The following SGCZ variants were observed in gnomAD, a reference collection of about 807,000 sequenced individuals.
SGCZ encodes the protein zeta-sarcoglycan.
Under a neutral mutation model 41.3 loss-of-function variants are expected in SGCZ, and 40 were observed. That is an observed-to-expected ratio of 0.97 (90% CI 0.75 to 1.26). The LOEUF (loss-of-function observed/expected upper bound fraction) is 1.26. Among genes scored for constraint, SGCZ ranks in the 50% most tolerant of loss-of-function variants. The pLI, the probability that SGCZ is intolerant of heterozygous loss-of-function variation, is 0.00. For missense variants in SGCZ, 552 were observed against 369.8 expected (o/e 1.49, Z -4.04); for synonymous variants, 206 against 137.5 (o/e 1.50, Z -3.49).
At chr8:14,177,958 C>CTTTTCTTTCTTTTTCTTTTTTTTTTTTTT (rs767919994) in intron 4 of SGCZ, among the ~76,000 whole-genome samples, 1 of 95,050 alleles carries the variant, frequency 1.1e-5, no homozygotes, top group African/African-American at 3.7e-5. Flanking sequence ...CTTTTTTTTT[C>CTTTTCTTTCTTTTTCTTTTTTTTTTTTTT]TTTTTTTTTT....
chr8:14,592,876 A>C (rs1805284626), intron 1 of SGCZ, among the ~76,000 whole-genome samples: 1 of 152,180 alleles, frequency 6.6e-6, no homozygotes, highest in Admixed American at 6.5e-5. Context: ...AGTACAGGGC[A>C]AAAAGCATCA....
At chr8:14,181,198 C>T (rs1338917464) in intron 4 of SGCZ, among the ~76,000 whole-genome samples, 1 of 152,088 alleles carries the variant, frequency 6.6e-6, no homozygotes, top group Non-Finnish European at 1.5e-5. Flanking sequence ...ACTAAATACC[C>T]GTGTTTTCAA....
intron 7 of SGCZ, among the ~76,000 whole-genome samples, chr8:14,091,127 G>T (rs1801677083): frequency 6.6e-6 from 1 of 151,610 alleles, no homozygotes; most frequent in Non-Finnish European, 1.5e-5. Context: ...GAGAATCATG[G>T]TTTCCAGCTT....
chr8:14,153,472 A>G (rs748708041), intron 5 of SGCZ, among the ~76,000 whole-genome samples: 2 of 152,200 alleles, frequency 1.3e-5, no homozygotes, highest in Non-Finnish European at 2.9e-5. Flanking sequence ...TATTGCAGCA[A>G]TGAAATGATA....
At position 14,198,742 on chromosome 8, in the gene SGCZ, A is replaced by G. The variant is rs2117064326; in HGVS notation, c.425-34040T>C. Among the ~76,000 whole-genome samples, 4 of 152,326 alleles carry G rather than the reference A, an allele frequency of 2.6e-5. 1 individual carries two copies. In the Middle Eastern group the frequency reaches 0.014, roughly 518 times the overall value. Reference sequence around the variant, plus strand: ...CTGAAGCCATGGCAGAAGAACATAAATTGTGATGATTTTATGGATGTTTAT... The same window carrying G: ...CTGAAGCCATGGCAGAAGAACATAAGTTGTGATGATTTTATGGATGTTTAT... On this transcript the variant is annotated intron_variant, in intron 4 of 7. Coordinates refer to ENST00000382080, the MANE Select transcript of SGCZ (RefSeq NM_139167.4).
chr8:14,614,977 C>T (rs555259848), intron 1 of SGCZ, among the ~76,000 whole-genome samples: 13 of 142,364 alleles, frequency 9.1e-5, no homozygotes, highest in African/African-American at 3.3e-4. Flanking sequence ...TACACATGTA[C>T]ACACATATGT....
chr8:14,463,405 T>TAAA (rs55785142), intron 2 of SGCZ, among the ~76,000 whole-genome samples: 1 of 128,428 alleles, frequency 7.8e-6, no homozygotes, highest in Non-Finnish European at 1.7e-5. Flanking sequence ...ACAAGTGGTG[T>TAAA]AAAAAAAAAA....
intron 1 of SGCZ, among the ~76,000 whole-genome samples, chr8:14,605,623 T>C (rs1466269998): frequency 6.6e-6 from 1 of 152,150 alleles, no homozygotes; most frequent in Non-Finnish European, 1.5e-5. Context: ...GTTCAATTAA[T>C]TTTTAGGTTC....
intron 2 of SGCZ, among the ~76,000 whole-genome samples, chr8:14,485,313 T>C (rs1416270033): frequency 6.6e-6 from 1 of 152,226 alleles, no homozygotes; most frequent in Non-Finnish European, 1.5e-5. Flanking sequence ...CTTGGCTCAC[T>C]GCAACCTTGG....
intron 2 of SGCZ, among the ~76,000 whole-genome samples, chr8:14,393,295 G>A (rs573146510): frequency 2.0e-5 from 3 of 152,092 alleles, no homozygotes; most frequent in African/African-American, 7.2e-5. Flanking sequence ...AGCCTGTGAA[G>A]TCCAGCTGCA....
At chr8:14,321,189 T>C (rs1052533424) in intron 3 of SGCZ, among the ~76,000 whole-genome samples, 1 of 152,086 alleles carries the variant, frequency 6.6e-6, no homozygotes, top group East Asian at 1.9e-4. Flanking sequence ...AAATGTTCTA[T>C]GAGTAATCTT....
intron 2 of SGCZ, among the ~76,000 whole-genome samples, chr8:14,462,214 G>T (rs547429973): frequency 1.3e-5 from 2 of 151,718 alleles, no homozygotes; most frequent in African/African-American, 4.8e-5. Context: ...TTGCACTTTT[G>T]TGAAGAAGAC....
intron 1 of SGCZ, among the ~76,000 whole-genome samples, chr8:14,792,581 T>C (rs543604282): frequency 1.3e-5 from 2 of 152,116 alleles, no homozygotes; most frequent in East Asian, 3.9e-4. Flanking sequence ...TATATTATTA[T>C]TATACTTTAA....
intron 1 of SGCZ, among the ~76,000 whole-genome samples, chr8:14,796,158 A>G (rs1241910653): frequency 1.3e-5 from 2 of 152,254 alleles, no homozygotes; most frequent in Non-Finnish European, 2.9e-5. Flanking sequence ...TCTTTATAAT[A>G]GAAGGGTTTA....
At chr8:15,208,352 C>A (rs1004991788) in intron 1 of SGCZ, among the ~76,000 whole-genome samples, 19 of 152,244 alleles carry the variant, frequency 1.2e-4, no homozygotes, top group African/African-American at 4.6e-4. Flanking sequence ...ATCTGACTAA[C>A]GCATCCAAAT....
intron 1 of SGCZ, among the ~76,000 whole-genome samples, chr8:14,734,651 A>G (rs1282632079): frequency 6.6e-6 from 1 of 152,206 alleles, no homozygotes; most frequent in Non-Finnish European, 1.5e-5. Context: ...TAAAGAGACA[A>G]TTCCAATGTG....
chr8:14,674,701 C>G, intron 1 of SGCZ, among the ~76,000 whole-genome samples: 1 of 151,840 alleles, frequency 6.6e-6, no homozygotes, highest in Middle Eastern at 3.2e-3. Context: ...CGGTTTAGCT[C>G]CATCCCCTTT....
intron 1 of SGCZ, among the ~76,000 whole-genome samples, chr8:14,950,852 AG>A (rs1380608715): frequency 6.6e-6 from 1 of 152,040 alleles, no homozygotes; most frequent in African/African-American, 2.4e-5. Flanking sequence ...AAAATGTAAA[AG>A]GTAGGTTAAA....
At chr8:15,128,413 G>A (rs1444128422) in intron 1 of SGCZ, among the ~76,000 whole-genome samples, 1 of 152,170 alleles carries the variant, frequency 6.6e-6, no homozygotes, top group African/African-American at 2.4e-5. Context: ...TCCCACTGCT[G>A]GGGATAAATA....
Sources: allele counts gnomAD v4.1 joint callset (sites outside exome capture counted in the v4.1 genomes callset), GRCh38; gene constraint gnomAD v4.1.1; transcripts MANE v1.5; gene names NCBI Gene and HGNC (gene_info 2026-07-23, HGNC 2026-07-21).